KRT86: variants seen among roughly 807,000 people sequenced by gnomAD.
KRT86 encodes keratin, type II cuticular Hb6.
KRT86 carries 30 observed loss-of-function variants against 41.2 expected under a neutral mutation model. The ratio of observed to expected loss-of-function variants is 0.73; its 90% CI spans 0.54 to 0.99. KRT86 has a LOEUF of 0.99. KRT86 is among the 50% of genes least tolerant of loss of function. The pLI is 0.00. For synonymous variants in KRT86, 238 were observed against 238.1 expected, an observed-to-expected ratio of 1.00 and a Z score of 0.00; for missense variants, 561 against 571.4, an observed-to-expected ratio of 0.98 and a Z score of 0.19.
chr12:52,276,836 C>T (rs1937643014), intron 2 of KRT86, among the ~76,000 whole-genome samples: 1 of 152,228 alleles, frequency 6.6e-6, no homozygotes, highest in Admixed American at 6.5e-5. Flanking sequence ...TGGCTCAAGT[C>T]TCACTCCATG....
In KRT86 at chr12:52,287,838, C is replaced by T; in HGVS notation, c.-5+11892C>T. The T allele has an allele frequency of 2.5e-6, 4 of 1,601,038 alleles. No homozygotes were observed. In the East Asian group the frequency reaches 6.7e-5, roughly 27 times the overall value. ...AGCCTGTGCAGCCACACATGGCAGTCCTGCCCTGCCACCCCAACCTCAGAT... is the reference window on the plus strand; with the variant it reads ...AGCCTGTGCAGCCACACATGGCAGTTCTGCCCTGCCACCCCAACCTCAGAT... On this transcript the variant is annotated intron_variant, in intron 2 of 10. Coordinates refer to ENST00000423955, the MANE Select transcript of KRT86 (RefSeq NM_001320198.2).
At chr12:52,281,717 CT>C (rs995755960) in intron 2 of KRT86, among the ~76,000 whole-genome samples, 16 of 152,108 alleles carry the variant, frequency 1.1e-4, no homozygotes, top group African/African-American at 3.9e-4. Flanking sequence ...TGTGAAGATT[CT>C]TTTTTTCCTT....
intron 2 of KRT86, among the ~76,000 whole-genome samples, chr12:52,279,765 T>G (rs112639163): frequency 0.011 from 1,722 of 152,032 alleles, 17 homozygotes; most frequent in Non-Finnish European, 0.018. Flanking sequence ...AGAGAAAGGG[T>G]TCATTCATGC....
At chr12:52,294,395 G>A (rs1377838494) in intron 2 of KRT86, among the ~76,000 whole-genome samples, 2 of 152,088 alleles carry the variant, frequency 1.3e-5, no homozygotes, top group African/African-American at 4.8e-5. Flanking sequence ...TTAAACTTCA[G>A]GAATTAATTG....
At chr12:52,302,850 GGT>G (rs1565748187) in intron 3 of KRT86, among the ~76,000 whole-genome samples, 2 of 144,548 alleles carry the variant, frequency 1.4e-5, no homozygotes, top group Non-Finnish European at 1.5e-5. Flanking sequence ...GTGGGGGGGG[GGT>G]CACTCAACTC....
At chr12:52,295,877 G>A (rs1468461836) in intron 2 of KRT86, among the ~76,000 whole-genome samples, 2 of 151,956 alleles carry the variant, frequency 1.3e-5, no homozygotes, top group Non-Finnish European at 2.9e-5. Flanking sequence ...ACATGAAGCA[G>A]ATGATGTGGC....
In KRT86 at chr12:52,302,033, C is replaced by T. The variant is rs757675096; in HGVS notation, c.117C>T (p.Arg39=). Residue 39 remains arginine (R), a synonymous_variant, in exon 3 of 11, where the codon CGC becomes CGT. Transcript: ENST00000423955. ...AAPYRGISCY[R]GLTGGFGSHS... is the part of the protein sequence containing the mutation. ...CCTACCGTGGCATCTCCTGCTACCG[C>T]GGCCTCACCGGGGGCTTCGGCAGCC... 2 of 1,609,912 alleles carry T rather than the reference C, an allele frequency of 1.2e-6. No individual in the cohort carries two copies. Among genetic ancestry groups the T allele is most frequent in the Non-Finnish European group, 8.5e-7 (1 of 1,178,384 alleles).
intron 9 of KRT86, among the ~76,000 whole-genome samples, chr12:52,307,402 T>A (rs1333872938): frequency 6.6e-6 from 1 of 152,246 alleles, no homozygotes; most frequent in African/African-American, 2.4e-5. Flanking sequence ...AGCTTTGGTA[T>A]GTGTTACCTA....
At chr12:52,287,265 T>C (rs1431355965) in intron 2 of KRT86, 4 of 1,614,090 alleles carry the variant, frequency 2.5e-6, no homozygotes, top group Non-Finnish European at 3.4e-6. Context: ...CGGGCATCAC[T>C]GAGGGCCGCC....
At chr12:52,304,382 G>GT (rs1565748828) in intron 5 of KRT86, among the ~76,000 whole-genome samples, 1 of 128,866 alleles carries the variant, frequency 7.8e-6, no homozygotes, top group African/African-American at 3.0e-5. Context: ...ACCTACCTTG[G>GT]GCAAGGGGAT....
Position 52,308,387 on chromosome 12 carries a change from G to C in KRT86, c.1280-17G>C. 1 of 1,611,220 alleles carries C rather than the reference G, an allele frequency of 6.2e-7. No individual in the cohort carries two copies. The highest frequency in any genetic ancestry group is 1.7e-5 in the Admixed American group (1 of 59,682). The stretch of plus-strand genomic sequence containing the variant: ...GCGGCTGCGCCTGACGCGCGCCTCC[G>C]TCTCTTTCCCCTGCAGGCGTCAGCA... On this transcript the variant is annotated splice_polypyrimidine_tract_variant and intron_variant, in intron 10 of 10. Transcript: ENST00000423955.
intron 2 of KRT86, chr12:52,286,618 A>C: frequency 8.3e-7 from 1 of 1,207,264 alleles, no homozygotes; most frequent in East Asian, 2.5e-5. Context: ...GGACAATTCT[A>C]GGTCCATCTA....
intron 2 of KRT86, chr12:52,288,554 G>GGGAC: frequency 7.3e-7 from 1 of 1,362,444 alleles, no homozygotes. Context: ...GGGGAAAGCA[G>GGGAC]TCCCTGGTGT....
At chr12:52,297,444 C>T (rs562516526) in intron 2 of KRT86, among the ~76,000 whole-genome samples, 2 of 152,268 alleles carry the variant, frequency 1.3e-5, no homozygotes, top group African/African-American at 2.4e-5. Flanking sequence ...ACAAAATCCC[C>T]GAGTCCCCCA....
intron 2 of KRT86, among the ~76,000 whole-genome samples, chr12:52,283,012 C>A (rs1024853328): frequency 1.3e-5 from 2 of 152,188 alleles, no homozygotes; most frequent in Non-Finnish European, 2.9e-5. Context: ...AATGAATATA[C>A]AAACAACATG....
chr12:52,296,384 T>A (rs1474965755), intron 2 of KRT86, among the ~76,000 whole-genome samples: 1 of 152,098 alleles, frequency 6.6e-6, no homozygotes, highest in Non-Finnish European at 1.5e-5. Flanking sequence ...GGAAAGTGTG[T>A]GTAGGCCCAC....
intron 7 of KRT86, 93 bp downstream of exon 7, chr12:52,305,497 A>G: frequency 5.6e-6 from 9 of 1,605,350 alleles, no homozygotes; most frequent in Non-Finnish European, 7.7e-6. Context: ...GGGATGCACT[A>G]GGGATGAGAA....
Position 52,301,757 on chromosome 12 carries a change from A to G in KRT86, c.-4-156A>G, listed in dbSNP as rs1938382618. Reference sequence around the variant, plus strand: ...GACAGCAGCTAAACAACCCAAGCCCATAAAGCCTTCTAATTGCTCCGACCC... The same window carrying G: ...GACAGCAGCTAAACAACCCAAGCCCGTAAAGCCTTCTAATTGCTCCGACCC... On this transcript the variant is annotated intron_variant, in intron 2 of 10. Coordinates refer to ENST00000423955, the MANE Select transcript of KRT86 (RefSeq NM_001320198.2). 5 of 1,477,932 alleles carry G rather than the reference A, an allele frequency of 3.4e-6. No individual in the cohort carries two copies. The South Asian group carries it at 5.8e-5, about 17-fold the overall frequency. 91.6% of individuals were successfully genotyped at this position (1,477,932 alleles called of 1,614,324 possible).
At chr12:52,291,341 G>A in intron 2 of KRT86, 1 of 1,573,422 alleles carries the variant, frequency 6.4e-7, no homozygotes, top group Non-Finnish European at 8.6e-7. Flanking sequence ...GAAGCCCCCG[G>A]TGAGGCCGCG....
Sources: allele counts gnomAD v4.1 joint callset (sites outside exome capture counted in the v4.1 genomes callset), GRCh38; gene constraint gnomAD v4.1.1; transcripts MANE v1.5; gene names NCBI Gene and HGNC (gene_info 2026-07-23, HGNC 2026-07-21).